The following MICAL3 variants were observed in gnomAD, a reference collection of about 807,000 sequenced individuals.
MICAL3 encodes [F-actin]-monooxygenase MICAL3.
MICAL3 carries 62 observed loss-of-function variants against 207.4 expected under a neutral mutation model. The observed-to-expected ratio is 0.30, with a 90% CI of 0.24 to 0.37. The LOEUF is 0.37. MICAL3 is among the 10% of genes least tolerant of loss of function. The probability of loss-of-function intolerance (pLI) is 1.00; values close to 1 mark genes in which losing one functional copy is unlikely to be tolerated. For missense variants in MICAL3, 2,368 were observed against 2,635.6 expected (o/e 0.90, Z 2.22); for synonymous variants, 1,077 against 1,069.3 (o/e 1.01, Z -0.14).
At chr22:17,865,620 TG>T (rs1165605000) in intron 18 of MICAL3, among the ~76,000 whole-genome samples, 2 of 152,130 alleles carry the variant, frequency 1.3e-5, no homozygotes, top group African/African-American at 4.8e-5. Flanking sequence ...AGTGGCAGGG[TG>T]TCCTCTCAGA....
At chr22:17,862,078 C>T in intron 19 of MICAL3, 2 of 985,392 alleles carry the variant, frequency 2.0e-6, no homozygotes, top group Non-Finnish European at 2.4e-6. Flanking sequence ...CTTTACCAGC[C>T]CTGCCTCCTG....
chr22:17,877,540 T>C (rs201438850), intron 16 of MICAL3, among the ~76,000 whole-genome samples: 1 of 97,986 alleles, frequency 1.0e-5, no homozygotes. Context: ...AGGGAGGTTA[T>C]GGAGGTGAGG....
rs1160903320 is a variant in MICAL3, at chr22:17,790,658, G to A, written c.*74C>T. 21 of 1,380,356 alleles carry A rather than the reference G, an allele frequency of 1.5e-5. No homozygotes were observed. Among genetic ancestry groups the A allele is most frequent in the Middle Eastern group, 1.8e-4 (1 of 5,494 alleles). 85.5% of individuals were successfully genotyped at this position (1,380,356 alleles called of 1,614,324 possible). On this transcript the variant is annotated 3_prime_UTR_variant, in exon 32 of 32. Transcript: ENST00000441493. ...AGGAGGTGCCAGGCCTCCTCAGATCGCGGCTCCGGGTGGTTTGGATGCCAC... is the reference window on the plus strand; with the variant it reads ...AGGAGGTGCCAGGCCTCCTCAGATCACGGCTCCGGGTGGTTTGGATGCCAC...
intron 2 of MICAL3, among the ~76,000 whole-genome samples, chr22:17,905,869 G>A (rs1931676088): frequency 6.6e-6 from 1 of 152,204 alleles, no homozygotes; most frequent in Non-Finnish European, 1.5e-5. Flanking sequence ...TCCACATGGT[G>A]AAGAAAGCAA....
At chr22:17,969,986 T>C (rs1006294750) in intron 1 of MICAL3, among the ~76,000 whole-genome samples, 5 of 152,312 alleles carry the variant, frequency 3.3e-5, no homozygotes, top group African/African-American at 1.2e-4. Flanking sequence ...TGAGGCCACA[T>C]AGTCGGTAAT....
At chr22:17,984,467 C>G (rs1936063642) in intron 1 of MICAL3, among the ~76,000 whole-genome samples, 1 of 152,220 alleles carries the variant, frequency 6.6e-6, no homozygotes, top group Non-Finnish European at 1.5e-5. Flanking sequence ...GGAACAGGGA[C>G]CCAGTGGCCT....
At chr22:17,860,655 G>A in intron 19 of MICAL3, 1 of 985,502 alleles carries the variant, frequency 1.0e-6, no homozygotes, top group Non-Finnish European at 1.2e-6. Flanking sequence ...GAGCCAGACA[G>A]GAGACATGTG....
At chr22:17,894,005 G>T in intron 10 of MICAL3, 101 bp from the exon 11 acceptor site, 1 of 836,742 alleles carries the variant, frequency 1.2e-6, no homozygotes, top group Non-Finnish European at 1.9e-6. Flanking sequence ...TGGGATAGAA[G>T]GCTGGGTAAA....
intron 20 of MICAL3, among the ~76,000 whole-genome samples, chr22:17,833,408 T>C (rs1569085944): frequency 6.6e-6 from 1 of 152,224 alleles, no homozygotes; most frequent in African/African-American, 2.4e-5. Context: ...CGAGAGGGCA[T>C]CTGCCCTGAC....
intron 1 of MICAL3, chr22:17,981,028 C>T: frequency 2.4e-6 from 1 of 419,434 alleles, no homozygotes; most frequent in South Asian, 1.6e-5. Context: ...TCACCCACTG[C>T]AGTACTGTGC....
chr22:17,925,943 T>G (rs1384240862), intron 1 of MICAL3, among the ~76,000 whole-genome samples: 2 of 152,170 alleles, frequency 1.3e-5, no homozygotes, highest in African/African-American at 4.8e-5. Flanking sequence ...CCCAAACATT[T>G]TCTAAATCAC....
intron 29 of MICAL3, among the ~76,000 whole-genome samples, chr22:17,799,679 T>C (rs775523762): frequency 6.6e-6 from 1 of 152,086 alleles, no homozygotes; most frequent in Non-Finnish European, 1.5e-5. Flanking sequence ...ACAAACACCA[T>C]GGCCCTGACA....
chr22:17,863,615 A>G (rs2146135863), intron 19 of MICAL3: 1 of 985,446 alleles, frequency 1.0e-6, no homozygotes, highest in South Asian at 4.7e-5. Flanking sequence ...ACTTGCTCAG[A>G]TGATAATAAG....
At chr22:17,860,960 T>C in intron 19 of MICAL3, 1 of 983,932 alleles carries the variant, frequency 1.0e-6, no homozygotes, top group Non-Finnish European at 1.2e-6. Flanking sequence ...TAAATAAATA[T>C]CTACCCATAT....
chr22:17,854,459 T>C, intron 19 of MICAL3, among the ~76,000 whole-genome samples: 1 of 152,148 alleles, frequency 6.6e-6, no homozygotes, highest in East Asian at 1.9e-4. Flanking sequence ...TCACCGTGGC[T>C]GCCAAGGTGC....
Position 17,790,497 on chromosome 22 carries a change from T to C in MICAL3, c.*235A>G. The C allele has an allele frequency of 7.0e-6, 4 of 568,642 alleles. No homozygotes were observed. The highest frequency in any genetic ancestry group is 4.5e-5 in the South Asian group (2 of 44,304). 35.2% of individuals were successfully genotyped at this position (568,642 alleles called of 1,614,324 possible). On this transcript the variant is annotated 3_prime_UTR_variant, in exon 32 of 32. Coordinates refer to ENST00000441493, the MANE Select transcript of MICAL3 (RefSeq NM_015241.3). ...TGCCATACACGCCGTGCTGCTCCTC[T>C]GAGTGGGAGGTCCAGGTGGGCCTCC... is the stretch of plus-strand genomic sequence containing the variant.
At chr22:17,941,724 C>T (rs1933815606) in intron 1 of MICAL3, among the ~76,000 whole-genome samples, 1 of 152,224 alleles carries the variant, frequency 6.6e-6, no homozygotes, top group African/African-American at 2.4e-5. Context: ...GGTTGACCTT[C>T]ACAGGGTATA....
At position 17,878,870 on chromosome 22, in the gene MICAL3, C is replaced by A. The variant is rs149583065; in HGVS notation, c.2242-6847G>T. Among the ~76,000 whole-genome samples, 16 of 152,290 alleles carry A rather than the reference C, an allele frequency of 1.1e-4. 1 individual carries two copies. In the East Asian group the frequency reaches 2.9e-3, roughly 28 times the overall value. On this transcript the variant is annotated intron_variant, in intron 16 of 31. Coordinates refer to ENST00000441493, the MANE Select transcript of MICAL3 (RefSeq NM_015241.3). ...CTTTCTCCCCCTCATTCTCATCCCA[C>A]TGGAAAAATCCTCACGCTGGTAAGA...
At chr22:17,877,540 T>TGGAGGTGAGGGAGGTTATGGAGGTTAG (rs1928939369) in intron 16 of MICAL3, among the ~76,000 whole-genome samples, 2 of 97,986 alleles carry the variant, frequency 2.0e-5, no homozygotes, top group Non-Finnish European at 2.2e-5. Flanking sequence ...AGGGAGGTTA[T>TGGAGGTGAGGGAGGTTATGGAGGTTAG]GGAGGTGAGG....
Sources: gnomAD v4.1 joint callset for allele counts (sites outside exome capture counted in the v4.1 genomes callset) on GRCh38, gnomAD v4.1.1 for gene constraint, MANE v1.5 for transcripts, NCBI Gene and HGNC (gene_info 2026-07-23, HGNC 2026-07-21) for gene names.